PTGER3: variants seen among roughly 807,000 people sequenced by gnomAD.
PTGER3 encodes prostaglandin E receptor 3, also known as prostaglandin E2 receptor EP3 subtype.
A neutral mutation model predicts 34.7 loss-of-function variants in PTGER3; 22 were observed. The ratio of observed to expected loss-of-function variants is 0.63; its 90% CI spans 0.45 to 0.91. The LOEUF is 0.91. Among genes scored for constraint, PTGER3 ranks in the 40% least tolerant of loss-of-function variants. PTGER3 has a pLI of 0.00. For synonymous variants in PTGER3, 241 were observed against 230.1 expected, an observed-to-expected ratio of 1.05 and a Z score of -0.43; for missense variants, 468 against 519.4, an observed-to-expected ratio of 0.90 and a Z score of 0.96.
chr1:70,921,559 C>A (rs916812909), intron 4 of PTGER3, among the ~76,000 whole-genome samples: 4 of 152,002 alleles, frequency 2.6e-5, no homozygotes, highest in Non-Finnish European at 5.9e-5. Flanking sequence ...TACCTCAGAA[C>A]AGAACATGGG....
At chr1:70,873,431 A>G (rs1202113980) in intron 4 of PTGER3, among the ~76,000 whole-genome samples, 1 of 152,184 alleles carries the variant, frequency 6.6e-6, no homozygotes, top group Non-Finnish European at 1.5e-5. Context: ...TGAGTCATAT[A>G]ATAGACTACA....
chr1:70,867,624 G>A lies in PTGER3; in HGVS notation c.*24-14765C>T, dbSNP rs1435876800. Among the ~76,000 whole-genome samples, 5 of 152,022 alleles carry A rather than the reference G, an allele frequency of 3.3e-5. No homozygotes were observed. The East Asian group carries it at 9.6e-4, about 29-fold the overall frequency. On this transcript the variant is annotated intron_variant, in intron 4 of 4. Coordinates refer to the PTGER3 transcript ENST00000370931. ...CCTGTAGTCCCAGCTACTTGGGAGG[G>A]TGAGGTGGGAGAATTGCTTGAACCT...
At chr1:71,036,580 C>T (rs1659844654) in intron 1 of PTGER3, among the ~76,000 whole-genome samples, 1 of 151,992 alleles carries the variant, frequency 6.6e-6, no homozygotes, top group Admixed American at 6.6e-5. Context: ...GTGGCTCACA[C>T]CTGTAATCCC....
rs1659530317 is a variant in PTGER3, at chr1:71,032,923, C to T, written c.897+13758G>A. ...ACAAAAAGTTTCTTCTGAGACCTAGCCTGGAAATCAGCATGCTCCAGATCT... is the reference window on the plus strand; with the variant it reads ...ACAAAAAGTTTCTTCTGAGACCTAGTCTGGAAATCAGCATGCTCCAGATCT... On this transcript the variant is annotated intron_variant, in intron 1 of 3. Transcript: ENST00000306666. 3.9e-5 allele frequency among the ~76,000 whole-genome samples: 6 copies of T among 152,132 alleles called. No individual in the cohort carries two copies. In the South Asian group the frequency reaches 1.2e-3, roughly 32 times the overall value.
chr1:71,007,259 C>T (rs769087159), intron 2 of PTGER3: 1 of 985,550 alleles, frequency 1.0e-6, no homozygotes, highest in Non-Finnish European at 1.2e-6. Flanking sequence ...TTGTTACAAA[C>T]AGATCAAAAT....
At chr1:71,043,897 A>T (rs1343316157) in intron 1 of PTGER3, among the ~76,000 whole-genome samples, 2 of 151,160 alleles carry the variant, frequency 1.3e-5, no homozygotes, top group Non-Finnish European at 2.9e-5. Context: ...GCTCACAGCA[A>T]CCTCTGTCTC....
intron 4 of PTGER3, among the ~76,000 whole-genome samples, chr1:70,931,142 G>A (rs1418558388): frequency 6.6e-6 from 1 of 152,212 alleles, no homozygotes; most frequent in Non-Finnish European, 1.5e-5. Flanking sequence ...GAAATCAGCA[G>A]GGCAGTCAAA....
At chr1:71,003,902 C>G (rs1656708868) in intron 2 of PTGER3, among the ~76,000 whole-genome samples, 1 of 152,196 alleles carries the variant, frequency 6.6e-6, no homozygotes, top group African/African-American at 2.4e-5. Flanking sequence ...TAGACTTCGG[C>G]AGGTCTGTAC....
At chr1:70,861,256 A>G (rs1288145320) in intron 4 of PTGER3, among the ~76,000 whole-genome samples, 1 of 152,214 alleles carries the variant, frequency 6.6e-6, no homozygotes, top group African/African-American at 2.4e-5. Flanking sequence ...TTGGCTTGTG[A>G]AAATTGTAGA....
intron 2 of PTGER3, among the ~76,000 whole-genome samples, chr1:70,992,983 C>T (rs1056632730): frequency 1.3e-5 from 2 of 152,158 alleles, no homozygotes; most frequent in African/African-American, 4.8e-5. Context: ...TCATTAGATA[C>T]TTGAAAATAA....
At chr1:70,982,153 A>G (rs1654438295) in intron 2 of PTGER3, among the ~76,000 whole-genome samples, 1 of 152,154 alleles carries the variant, frequency 6.6e-6, no homozygotes, top group Admixed American at 6.6e-5. Flanking sequence ...TGAAACTTCA[A>G]CTTCATTCAC....
chr1:70,953,012 A>G (rs1376700418), exon 4 of PTGER3: 1 of 1,611,870 alleles, frequency 6.2e-7, no homozygotes, highest in Non-Finnish European at 8.5e-7. Context: ...CTTGCCCACA[A>G]TGTGCAGTTG....
intron 4 of PTGER3, among the ~76,000 whole-genome samples, chr1:70,898,207 G>T (rs1323577212): frequency 6.6e-6 from 1 of 152,170 alleles, no homozygotes. Flanking sequence ...CTACATCCCT[G>T]CTGGGCAACC....
chr1:71,011,073 T>C (rs1027149366), intron 2 of PTGER3: 16 of 985,736 alleles, frequency 1.6e-5, no homozygotes, highest in Middle Eastern at 5.2e-4. Context: ...AGGATTACTA[T>C]GTTTGGTGGG....
intron 4 of PTGER3, among the ~76,000 whole-genome samples, chr1:70,944,953 A>G (rs1347216443): frequency 6.6e-6 from 1 of 152,092 alleles, no homozygotes; most frequent in Non-Finnish European, 1.5e-5. Flanking sequence ...TCCATTCTAA[A>G]GAGAACTTCT....
At chr1:70,866,377 T>G (rs988794168) in intron 4 of PTGER3, among the ~76,000 whole-genome samples, 3 of 152,184 alleles carry the variant, frequency 2.0e-5, no homozygotes, top group African/African-American at 7.2e-5. Flanking sequence ...CCTTCTGAAG[T>G]CCTAATCTTA....
intron 4 of PTGER3, among the ~76,000 whole-genome samples, chr1:70,891,237 C>A (rs1324693527): frequency 6.6e-6 from 1 of 152,220 alleles, no homozygotes; most frequent in Non-Finnish European, 1.5e-5. Context: ...AGTCATCACA[C>A]AGGCACTCAA....
At chr1:70,962,302 C>T (rs2100635339) in intron 2 of PTGER3, among the ~76,000 whole-genome samples, 1 of 152,232 alleles carries the variant, frequency 6.6e-6, no homozygotes, top group South Asian at 2.1e-4. Context: ...TTAAATTCTA[C>T]CAAGTGAGAA....
rs369342051 is a variant in PTGER3 at position 71,018,157 on chromosome 1, C to G, written c.898-5673G>C. Among the ~76,000 whole-genome samples the G allele has an allele frequency of 1.4e-3, 209 of 152,074 alleles. 2 individuals carry two copies. Among genetic ancestry groups the G allele is most frequent in the South Asian group, 2.1e-3 (10 of 4,774 alleles). ...ACAGCAGCAGTAGAAAACAAATATGCCCACACACTGAGCTCTCAACCAATG... is the reference window on the plus strand; with the variant it reads ...ACAGCAGCAGTAGAAAACAAATATGGCCACACACTGAGCTCTCAACCAATG... On this transcript the variant is annotated intron_variant, in intron 1 of 3. Transcript: ENST00000306666.
Sources: gnomAD v4.1 joint callset for allele counts (sites outside exome capture counted in the v4.1 genomes callset) on GRCh38, gnomAD v4.1.1 for gene constraint, MANE v1.5 for transcripts, NCBI Gene and HGNC (gene_info 2026-07-23, HGNC 2026-07-21) for gene names.